The following CNTN6 variants were observed in gnomAD, a reference collection of about 807,000 sequenced individuals.
The protein encoded by CNTN6 is contactin 6.
In CNTN6, 137 loss-of-function variants were observed where a neutral mutation model predicts 122.8. The ratio of observed to expected loss-of-function variants is 1.12; its 90% CI spans 0.97 to 1.29. The LOEUF (loss-of-function observed/expected upper bound fraction) is 1.29. Among genes scored for constraint, CNTN6 ranks in the 50% most tolerant of loss-of-function variants. The pLI is 0.00. For synonymous variants in CNTN6, 570 were observed against 426.0 expected (o/e 1.34, Z -4.16); for missense variants, 1,634 against 1,223.4 (o/e 1.34, Z -5.01).
chr3:1,124,565 T>C (rs1310354035), intron 1 of CNTN6, among the ~76,000 whole-genome samples: 1 of 151,874 alleles, frequency 6.6e-6, no homozygotes, highest in Non-Finnish European at 1.5e-5. Context: ...ACCTGAGAGA[T>C]AAAAGAACAC....
intron 1 of CNTN6, among the ~76,000 whole-genome samples, chr3:1,113,126 C>T (rs1174156508): frequency 6.6e-6 from 1 of 152,094 alleles, no homozygotes; most frequent in Non-Finnish European, 1.5e-5. Context: ...AAAGTACATT[C>T]AGGCAAATGA....
At chr3:1,241,865 A>G (rs570080631) in intron 4 of CNTN6, among the ~76,000 whole-genome samples, 1 of 152,202 alleles carries the variant, frequency 6.6e-6, no homozygotes, top group Non-Finnish European at 1.5e-5. Context: ...AAGGCCTCTA[A>G]AAGTATTAAA....
At chr3:1,336,376 T>C (rs1421076772) in intron 11 of CNTN6, among the ~76,000 whole-genome samples, 3 of 152,066 alleles carry the variant, frequency 2.0e-5, no homozygotes, top group Non-Finnish European at 4.4e-5. Context: ...ATTTGTATCA[T>C]TTTTACCCTA....
chr3:1,335,280 G>A (rs186220290), intron 11 of CNTN6, among the ~76,000 whole-genome samples: 2 of 152,250 alleles, frequency 1.3e-5, no homozygotes, highest in East Asian at 3.9e-4. Context: ...TGCTGTCATC[G>A]TAACTTGTAT....
Position 1,292,959 on chromosome 3 carries a change from C to T in CNTN6, c.455-2642C>T, listed in dbSNP as rs144519524. On this transcript the variant is annotated intron_variant, in intron 5 of 22. Coordinates refer to ENST00000446702, the MANE Select transcript of CNTN6 (RefSeq NM_001289080.2). ...ATAACATGCTTTTTACCTAACAATG[C>T]TGCTTAGGTTTTTTTTCCCACATGA... is the stretch of plus-strand genomic sequence containing the variant. Among the ~76,000 whole-genome samples, 502 of 150,230 alleles carry T rather than the reference C, an allele frequency of 3.3e-3. 1 individual carries two copies. Among genetic ancestry groups the T allele is most frequent in the African/African-American group, 0.012 (481 of 40,392 alleles).
At chr3:1,204,727 C>T (rs1345823850) in intron 2 of CNTN6, among the ~76,000 whole-genome samples, 1 of 152,134 alleles carries the variant, frequency 6.6e-6, no homozygotes, top group Non-Finnish European at 1.5e-5. Context: ...TGATGATCAA[C>T]ATTAGTGCCT....
At chr3:1,209,177 C>G (rs2093998769) in intron 2 of CNTN6, among the ~76,000 whole-genome samples, 1 of 152,120 alleles carries the variant, frequency 6.6e-6, no homozygotes, top group East Asian at 1.9e-4. Flanking sequence ...CACAAGGTCA[C>G]CATAGATGTC....
At chr3:1,345,611 A>C (rs1219681636) in intron 11 of CNTN6, among the ~76,000 whole-genome samples, 1 of 152,186 alleles carries the variant, frequency 6.6e-6, no homozygotes, top group Non-Finnish European at 1.5e-5. Flanking sequence ...CATTAACTAT[A>C]ATAATTGGGT....
intron 7 of CNTN6, among the ~76,000 whole-genome samples, chr3:1,311,183 TTA>T (rs755744766): frequency 4.7e-5 from 7 of 149,614 alleles, no homozygotes; most frequent in Non-Finnish European, 5.9e-5. Flanking sequence ...TAAAATGTCT[TTA>T]TATATATAGG....
chr3:1,386,930 C>T (rs950153415), intron 20 of CNTN6, among the ~76,000 whole-genome samples: 6 of 151,654 alleles, frequency 4.0e-5, no homozygotes, highest in Admixed American at 1.3e-4. Context: ...TTGTCATGTC[C>T]AAAAGAAGTT....
intron 2 of CNTN6, among the ~76,000 whole-genome samples, chr3:1,188,014 A>G (rs1241800586): frequency 6.6e-6 from 1 of 152,008 alleles, no homozygotes; most frequent in African/African-American, 2.4e-5. Flanking sequence ...CACACCCGCT[A>G]CCCCTGCCAA....
At chr3:1,385,443 A>G (rs933716156) in intron 19 of CNTN6, among the ~76,000 whole-genome samples, 168 bp from the exon 20 acceptor site, 2 of 152,234 alleles carry the variant, frequency 1.3e-5, no homozygotes, top group African/African-American at 4.8e-5. Flanking sequence ...ATATTAGAGA[A>G]TAACAATTTT....
intron 4 of CNTN6, among the ~76,000 whole-genome samples, chr3:1,234,769 A>C (rs1175769587): frequency 6.6e-6 from 1 of 152,186 alleles, no homozygotes; most frequent in African/African-American, 2.4e-5. Flanking sequence ...AAAGTTGGTA[A>C]ATTAGTATTG....
intron 2 of CNTN6, among the ~76,000 whole-genome samples, chr3:1,218,503 G>A (rs2094159547): frequency 1.3e-5 from 2 of 152,220 alleles, no homozygotes; most frequent in Middle Eastern, 3.4e-3. Flanking sequence ...AGCTAGTGGT[G>A]TCAGGGCAGG....
At position 1,304,997 on chromosome 3, in the gene CNTN6, A is replaced by AAAC. The variant is rs1553672536; in HGVS notation, c.761+7008_761+7009insCAA. On this transcript the variant is annotated intron_variant, in intron 7 of 22. Coordinates refer to ENST00000446702, the MANE Select transcript of CNTN6 (RefSeq NM_001289080.2). ...AGAATGAGACTCTGTCAAAAAAAAA[A>AAAC]AAAAAAACAAAATTCAAAAGATAAA... Among the ~76,000 whole-genome samples, 17 of 151,732 alleles carry AAAC rather than the reference A, an allele frequency of 1.1e-4. 1 individual carries two copies. Among genetic ancestry groups the AAAC allele is most frequent in the South Asian group, 2.1e-4 (1 of 4,820 alleles).
At position 1,280,381 on chromosome 3, in the gene CNTN6, A is replaced by C. The variant is rs1029991794; in HGVS notation, c.454+1873A>C. The stretch of plus-strand genomic sequence containing the variant: ...CCATAAAATTAAGTCACACATTTAC[A>C]AAAACTGCCTTAAATTAAGACCTTT... On this transcript the variant is annotated intron_variant, in intron 5 of 22. Coordinates refer to ENST00000446702, the MANE Select transcript of CNTN6 (RefSeq NM_001289080.2). 3.3e-5 allele frequency among the ~76,000 whole-genome samples: 5 copies of C among 151,628 alleles called. No homozygotes were observed. The South Asian group carries it at 8.3e-4, about 25-fold the overall frequency.
At chr3:1,254,747 T>C (rs1265077305) in intron 4 of CNTN6, among the ~76,000 whole-genome samples, 2 of 152,184 alleles carry the variant, frequency 1.3e-5, no homozygotes, top group East Asian at 1.9e-4. Context: ...GGATTCAAGA[T>C]GGATGAAATT....
chr3:1,103,016 G>C (rs996701240), intron 1 of CNTN6, among the ~76,000 whole-genome samples: 1 of 151,310 alleles, frequency 6.6e-6, no homozygotes, highest in Non-Finnish European at 1.5e-5. Flanking sequence ...TGAGGCAGGA[G>C]AATGGCGGGA....
intron 1 of CNTN6, among the ~76,000 whole-genome samples, chr3:1,133,460 T>C (rs2092391326): frequency 1.3e-5 from 2 of 152,178 alleles, no homozygotes. Context: ...GTAGCTACCA[T>C]TATTAGCCCC....
Sources: gnomAD v4.1 joint callset for allele counts (sites outside exome capture counted in the v4.1 genomes callset) on GRCh38, gnomAD v4.1.1 for gene constraint, MANE v1.5 for transcripts, NCBI Gene and HGNC (gene_info 2026-07-23, HGNC 2026-07-21) for gene names.